Variants in CAPZA2 observed in about 807,000 individuals in gnomAD.
CAPZA2 encodes F-actin-capping protein subunit alpha-2.
Under a neutral mutation model 44.0 loss-of-function variants are expected in CAPZA2, and 13 were observed. That is an observed-to-expected ratio of 0.30 (90% confidence interval 0.19 to 0.47). The LOEUF (loss-of-function observed/expected upper bound fraction) is 0.47, where lower values mean the gene tolerates loss of function less well. Ranked by LOEUF, CAPZA2 falls within the 20% of genes least tolerant of loss-of-function variation. The pLI is 1.00. For missense variants in CAPZA2, 244 were observed against 338.6 expected (o/e 0.72, Z 2.19); for synonymous variants, 94 against 108.2 (o/e 0.87, Z 0.81).
rs201926723 is a variant in CAPZA2, at chr7:116,865,174, C to CTTTTTTTTTTTTTTTTTTTTTTTT, written c.39+2526_39+2527insTTTTTTTTTTTTTTTTTTTTTTTT. ...ATGTTCTTGTGACATTATGCGCTCT[C>CTTTTTTTTTTTTTTTTTTTTTTTT]TTCTTTTTTTTTTTTTTTTTTTTTT... On this transcript the variant is annotated intron_variant, in intron 1 of 9. Coordinates refer to ENST00000361183, the MANE Select transcript of CAPZA2 (RefSeq NM_006136.3). Among the ~76,000 whole-genome samples, 3 of 122,086 alleles carry CTTTTTTTTTTTTTTTTTTTTTTTT rather than the reference C, an allele frequency of 2.5e-5. 1 individual carries two copies. Among genetic ancestry groups the CTTTTTTTTTTTTTTTTTTTTTTTT allele is most frequent in the African/African-American group, 1.0e-4 (3 of 30,004 alleles). The allele number at this position is 122,086 out of a possible 152,430, so 80.1% of individuals were successfully genotyped here.
Position 116,862,641 on chromosome 7 carries a change from T to A in CAPZA2, c.30T>A (p.Asp10Glu). 1 of 1,540,074 alleles carries A rather than the reference T, an allele frequency of 6.5e-7. No individual in the cohort carries two copies. The highest frequency in any genetic ancestry group is 8.8e-7 in the Non-Finnish European group (1 of 1,142,206). The change falls in exon 1 of 10, where the codon GAT becomes GAA. Residue 10 changes from aspartate to glutamate, a missense_variant. Asp to Glu is a conservative substitution (Grantham distance 45). Coordinates refer to ENST00000361183, the MANE Select transcript of CAPZA2 (RefSeq NM_006136.3). ...CGGATCTGGAGGAGCAGTTGTCTGA[T>A]GAAGAGAAGGTAAGAGTCGCGGGGG... MADLEEQLS[D>E]EEKVRIAAKF...
intron 4 of CAPZA2, among the ~76,000 whole-genome samples, chr7:116,902,080 TAG>T: frequency 6.6e-6 from 1 of 152,096 alleles, no homozygotes; most frequent in Non-Finnish European, 1.5e-5. Flanking sequence ...AACCAGAATT[TAG>T]TCTCAGAATA....
chr7:116,890,272 A>G (rs1368347949), intron 2 of CAPZA2, among the ~76,000 whole-genome samples: 1 of 151,944 alleles, frequency 6.6e-6, no homozygotes, highest in Non-Finnish European at 1.5e-5. Context: ...AAATTTGGGC[A>G]TTTAGGATGA....
chr7:116,890,553 TATATATATATATATACAC>T (rs1179743063), intron 2 of CAPZA2, among the ~76,000 whole-genome samples: 50 of 11,888 alleles, frequency 4.2e-3, no homozygotes, highest in East Asian at 4.5e-3. Flanking sequence ...TATATATATA[TATATATATATATATACAC>T]ATATATATAT....
intron 1 of CAPZA2, chr7:116,875,265 G>A (rs1371499822): frequency 1.3e-5 from 2 of 151,966 alleles, no homozygotes; most frequent in South Asian, 4.1e-4. Flanking sequence ...ATGGCAAAGT[G>A]TTCATTTTTG....
intron 2 of CAPZA2, among the ~76,000 whole-genome samples, chr7:116,890,571 C>T (rs11772512): frequency 2.0e-4 from 5 of 25,140 alleles, no homozygotes; most frequent in African/African-American, 2.4e-4. Context: ...TATATATACA[C>T]ATATATATAT....
chr7:116,921,644 T>C lies in CAPZA2; in HGVS notation c.*3777T>C, dbSNP rs1335658616. ...TTACAACGAGCGGAGACTGTGCCAC[T>C]TCACTGCAGCCTGGGTGACAGGGTG... On this transcript the variant is annotated 3_prime_UTR_variant, in exon 10 of 10. Coordinates refer to ENST00000361183, the MANE Select transcript of CAPZA2 (RefSeq NM_006136.3). 2.0e-5 allele frequency: 3 copies of C among 152,212 alleles called. No homozygotes were observed. The highest frequency in any genetic ancestry group is 7.2e-5 in the African/African-American group (3 of 41,448). 9.4% of individuals were successfully genotyped at this position (152,212 alleles called of 1,614,324 possible). A position where few individuals can be genotyped will look rare whatever the true frequency, so the allele number is the denominator to read the frequency against.
intron 8 of CAPZA2, among the ~76,000 whole-genome samples, chr7:116,913,991 A>C (rs1246637177): frequency 6.6e-6 from 1 of 150,876 alleles, no homozygotes; most frequent in East Asian, 1.9e-4. Context: ...ATAAACATCA[A>C]CTGCTTATAT....
At chr7:116,897,898 C>T (rs1468280345) in intron 3 of CAPZA2, among the ~76,000 whole-genome samples, 1 of 152,090 alleles carries the variant, frequency 6.6e-6, no homozygotes, top group Non-Finnish European at 1.5e-5. Flanking sequence ...TCATCATCTA[C>T]ACTGCTGCCA....
chr7:116,898,083 G>T (rs948301238), intron 3 of CAPZA2, among the ~76,000 whole-genome samples: 1 of 151,962 alleles, frequency 6.6e-6, no homozygotes, highest in African/African-American at 2.4e-5. Flanking sequence ...CTGTGATGTT[G>T]GACCTAACTT....
At chr7:116,902,596 A>C (rs1412745658) in intron 4 of CAPZA2, among the ~76,000 whole-genome samples, 1 of 152,220 alleles carries the variant, frequency 6.6e-6, no homozygotes, top group African/African-American at 2.4e-5. Context: ...TTGGATTGTC[A>C]CAGGAGTATA....
At chr7:116,894,078 T>C (rs1193674486) in intron 3 of CAPZA2, among the ~76,000 whole-genome samples, 1 of 152,178 alleles carries the variant, frequency 6.6e-6, no homozygotes, top group African/African-American at 2.4e-5. Flanking sequence ...AAATCCTGAC[T>C]GATGGCTGGG....
intron 2 of CAPZA2, among the ~76,000 whole-genome samples, chr7:116,889,097 C>A (rs1394441870): frequency 6.6e-6 from 1 of 152,148 alleles, no homozygotes; most frequent in Non-Finnish European, 1.5e-5. Context: ...TAATTATTCA[C>A]CCATAGATCT....
chr7:116,909,600 GT>G (rs1791560598), intron 6 of CAPZA2, among the ~76,000 whole-genome samples: 1 of 151,382 alleles, frequency 6.6e-6, no homozygotes, highest in Non-Finnish European at 1.5e-5. Context: ...AAAAACTCAT[GT>G]TAATAAGTAT....
At chr7:116,862,737 G>A in intron 1 of CAPZA2, 87 bp downstream of exon 1, 1 of 1,392,738 alleles carries the variant, frequency 7.2e-7, no homozygotes, top group Non-Finnish European at 9.8e-7. Flanking sequence ...CGGGGGAAGG[G>A]CATTGGCCCG....
chr7:116,879,946 A>G (rs1312611817), intron 1 of CAPZA2: 7 of 353,160 alleles, frequency 2.0e-5, no homozygotes, highest in African/African-American at 4.3e-5. Context: ...GGGAGATTTA[A>G]TGTTTATTTA....
At chr7:116,867,516 T>G (rs1460442362) in intron 1 of CAPZA2, among the ~76,000 whole-genome samples, 4 of 152,142 alleles carry the variant, frequency 2.6e-5, no homozygotes, top group African/African-American at 9.7e-5. Flanking sequence ...CAATACGTAT[T>G]GTTACTTAAT....
chr7:116,916,252 A>G, intron 9 of CAPZA2, 130 bp downstream of exon 9: 3 of 897,144 alleles, frequency 3.3e-6, no homozygotes, highest in Non-Finnish European at 4.7e-6. Context: ...GTCTGCTTTT[A>G]ACACAAAGGC....
chr7:116,890,072 T>TA (rs1562959752), intron 2 of CAPZA2, among the ~76,000 whole-genome samples: 1 of 152,200 alleles, frequency 6.6e-6, no homozygotes, highest in Non-Finnish European at 1.5e-5. Flanking sequence ...GCTTCCCAAT[T>TA]ACAATTCACA....
Sources: allele counts gnomAD v4.1 joint callset (sites outside exome capture counted in the v4.1 genomes callset), GRCh38; gene constraint gnomAD v4.1.1; transcripts MANE v1.5; gene names NCBI Gene and HGNC (gene_info 2026-07-23, HGNC 2026-07-21).